MESD: variants seen among roughly 807,000 people sequenced by gnomAD.
MESD encodes the protein LRP chaperone MESD.
MESD carries 7 observed loss-of-function variants against 12.9 expected under a neutral mutation model. That is an observed-to-expected ratio of 0.54 (90% CI 0.31 to 1.02). The LOEUF is 1.02. Ranked by LOEUF, MESD falls within the 50% of genes least tolerant of loss-of-function variation. The pLI is 0.05. For synonymous variants in MESD, 126 were observed against 115.6 expected (o/e 1.09, Z -0.58); for missense variants, 342 against 296.7 (o/e 1.15, Z -1.12).
intron 3 of MESD, among the ~76,000 whole-genome samples, chr15:80,969,526 G>A (rs1301424331): frequency 6.6e-6 from 1 of 152,014 alleles, no homozygotes; most frequent in Non-Finnish European, 1.5e-5. Context: ...ACAGTGGCTG[G>A]TGTCAGTTTT....
intron 3 of MESD, among the ~76,000 whole-genome samples, chr15:80,964,105 A>T (rs1216467993): frequency 6.6e-6 from 1 of 152,232 alleles, no homozygotes; most frequent in East Asian, 1.9e-4. Context: ...AAATCTCCTT[A>T]AGCTGATAGG....
downstream of MESD, among the ~76,000 whole-genome samples, chr15:80,974,846 A>G (rs1379384867): frequency 2.0e-5 from 3 of 151,314 alleles, no homozygotes; most frequent in Non-Finnish European, 2.9e-5. Flanking sequence ...CTATTTATTA[A>G]TTTTAAAAAA....
At chr15:80,959,155 T>A (rs1902041185) in intron 3 of MESD, among the ~76,000 whole-genome samples, 1 of 152,206 alleles carries the variant, frequency 6.6e-6, no homozygotes, top group African/African-American at 2.4e-5. Flanking sequence ...AACTCACAGG[T>A]CATCCAGCTG....
chr15:80,951,534 A>G (rs1331903590), intron 4 of MESD: 1 of 152,674 alleles, frequency 6.5e-6, no homozygotes, highest in Non-Finnish European at 1.5e-5. Context: ...TTAGATGTAT[A>G]GAGTGTTTGT....
At chr15:80,984,357 G>A (rs1360493918) in intron 1 of MESD, among the ~76,000 whole-genome samples, 2 of 152,022 alleles carry the variant, frequency 1.3e-5, no homozygotes, top group Non-Finnish European at 2.9e-5. Context: ...GAGATCACCT[G>A]AGCACAGGAG....
chr15:80,985,500 T>C (rs950418318), intron 1 of MESD, among the ~76,000 whole-genome samples: 1 of 152,206 alleles, frequency 6.6e-6, no homozygotes, highest in African/African-American at 2.4e-5. Flanking sequence ...TCTGTCTTTA[T>C]CTTAATTCTC....
chr15:80,978,061 T>G lies in MESD; in HGVS notation c.*1158A>C, dbSNP rs138425590. 1 of 152,240 alleles carries G rather than the reference T, an allele frequency of 6.6e-6. No individual in the cohort carries two copies. Among genetic ancestry groups the G allele is most frequent in the East Asian group, 1.9e-4 (1 of 5,170 alleles). 9.4% of individuals were successfully genotyped at this position (152,240 alleles called of 1,614,324 possible). A position where few individuals can be genotyped will look rare whatever the true frequency, so the allele number is the denominator to read the frequency against. On this transcript the variant is annotated 3_prime_UTR_variant, in exon 3 of 3. Coordinates refer to ENST00000261758, the MANE Select transcript of MESD (RefSeq NM_015154.3). ...ACATTTACATAAGTAAATGTACTTT[T>G]TTTTGGTGGATGGGCAGGGAGGGGG...
At chr15:80,959,223 G>A (rs1902042503) in intron 3 of MESD, among the ~76,000 whole-genome samples, 1 of 152,242 alleles carries the variant, frequency 6.6e-6, no homozygotes, top group Non-Finnish European at 1.5e-5. Flanking sequence ...CCTGCCATGT[G>A]AGAGGGTAGA....
In MESD at chr15:80,979,296, T is replaced by G. The variant is rs188746307; in HGVS notation, c.628A>C (p.Lys210Gln). ...GATTTCAGATCTCCTTCCTTCTTTT[T>G]TTTGCCCTTGTCTTGCTTTGTTTTA... ...KNKTKQDKGK[K>Q]KKEGDLKSRS... The change falls in exon 3 of 3, where the codon AAA becomes CAA. Residue 210 changes from lysine to glutamine, a missense_variant. Lys to Gln is a moderately conservative substitution (Grantham distance 53). Transcript: ENST00000261758. The G allele has an allele frequency of 6.2e-7, 1 of 1,614,112 alleles. No homozygotes were observed. Among genetic ancestry groups the G allele is most frequent in the East Asian group, 2.2e-5 (1 of 44,884 alleles).
At chr15:80,953,582 G>A (rs1298220720) in intron 3 of MESD, among the ~76,000 whole-genome samples, 1 of 152,226 alleles carries the variant, frequency 6.6e-6, no homozygotes, top group Non-Finnish European at 1.5e-5. Flanking sequence ...CAGCCTGGGA[G>A]GGGACAGGTC....
At chr15:80,989,137 A>G (rs1350700084) in intron 1 of MESD, among the ~76,000 whole-genome samples, 1 of 152,196 alleles carries the variant, frequency 6.6e-6, no homozygotes, top group Non-Finnish European at 1.5e-5. Flanking sequence ...ATTAAGGAAG[A>G]CCATCTTCAC....
chr15:80,959,903 G>GT (rs1902055733), intron 3 of MESD, among the ~76,000 whole-genome samples: 3 of 152,190 alleles, frequency 2.0e-5, no homozygotes, highest in Admixed American at 2.0e-4. Flanking sequence ...CCTGTTCGTA[G>GT]TATTTGTTGA....
chr15:80,984,631 T>G (rs546182017), intron 1 of MESD, among the ~76,000 whole-genome samples: 2 of 152,276 alleles, frequency 1.3e-5, no homozygotes, highest in African/African-American at 4.8e-5. Context: ...GGTTGAAGGT[T>G]TCTTTTGGGG....
chr15:80,970,635 T>A (rs1902266550), intron 3 of MESD: 1 of 152,238 alleles, frequency 6.6e-6, no homozygotes, highest in Admixed American at 6.5e-5. Flanking sequence ...GCCACTCCTA[T>A]TCTTCGGAAC....
chr15:80,959,067 C>T (rs1902039645), intron 3 of MESD, among the ~76,000 whole-genome samples: 1 of 152,236 alleles, frequency 6.6e-6, no homozygotes, highest in South Asian at 2.1e-4. Context: ...GAGAACCCCT[C>T]TTGGGGAGAT....
downstream of MESD, among the ~76,000 whole-genome samples, chr15:80,971,470 T>A (rs1596230748): frequency 6.6e-6 from 1 of 152,176 alleles, no homozygotes; most frequent in Non-Finnish European, 1.5e-5. Context: ...TTAATAAGAA[T>A]CCCCCTGCCC....
chr15:80,982,304 G>A, intron 1 of MESD, 122 bp from the exon 2 acceptor site: 1 of 743,724 alleles, frequency 1.3e-6, no homozygotes. Context: ...ACATAAAAAG[G>A]AAAACCAGGG....
intron 2 of MESD, 110 bp from the exon 3 acceptor site, chr15:80,979,587 G>C (rs1902519779): frequency 7.6e-7 from 1 of 1,322,898 alleles, no homozygotes; most frequent in South Asian, 1.5e-5. Flanking sequence ...CATGAATATG[G>C]AATGAAAAAT....
chr15:80,964,273 T>G (rs565782402), intron 3 of MESD, among the ~76,000 whole-genome samples: 2 of 152,154 alleles, frequency 1.3e-5, no homozygotes, highest in African/African-American at 2.4e-5. Context: ...ACAAGGGATG[T>G]GAAGGACCTC....
Sources: allele counts gnomAD v4.1 joint callset (sites outside exome capture counted in the v4.1 genomes callset), GRCh38; gene constraint gnomAD v4.1.1; transcripts MANE v1.5; gene names NCBI Gene and HGNC (gene_info 2026-07-23, HGNC 2026-07-21).